The following FHL1 variants were observed in gnomAD, a reference collection of about 807,000 sequenced individuals.
FHL1 encodes four and a half LIM domains protein 1.
A neutral mutation model predicts 20.3 loss-of-function variants in FHL1; 1 was observed. The ratio of observed to expected loss-of-function variants is 0.05; its 90% CI spans 0.02 to 0.23. FHL1 has a LOEUF of 0.23. Ranked by LOEUF, FHL1 falls within the 10% of genes least tolerant of loss-of-function variation. The probability of loss-of-function intolerance (pLI) is 1.00; values close to 1 mark genes in which losing one functional copy is unlikely to be tolerated. For synonymous variants in FHL1, 82 were observed against 88.9 expected, an observed-to-expected ratio of 0.92 and a Z score of 0.44; for missense variants, 177 against 234.0, an observed-to-expected ratio of 0.76 and a Z score of 1.59.
upstream of FHL1, among the ~76,000 whole-genome samples, chrX:136,192,224 A>C (rs2073445208): frequency 9.0e-6 from 1 of 111,454 alleles, no homozygotes; most frequent in Admixed American, 9.5e-5. Context: ...CATCCTAGGC[A>C]TGCTCTGAAA....
chrX:136,176,067 T>C (rs2072994637), intron 2 of FHL1, among the ~76,000 whole-genome samples: 1 of 112,266 alleles, frequency 8.9e-6, no homozygotes, highest in African/African-American at 3.2e-5. Context: ...AGAGCCCCCA[T>C]TTCTCTTTCT....
chrX:136,208,276 CGAGCCTTGGTGTCTTCATCT>C (rs2073903976), intron 4 of FHL1, among the ~76,000 whole-genome samples, 159 bp from the exon 5 acceptor site: 3 of 112,063 alleles, frequency 2.7e-5, no homozygotes, highest in Non-Finnish European at 3.8e-5. Flanking sequence ...TCACCTTCTC[CGAGCCTTGGTGTCTTCATCT>C]GTAAAGTGGG....
At chrX:136,196,799 A>C (rs2073566226), upstream of FHL1, 2 of 1,166,325 alleles carry the variant, frequency 1.7e-6, no homozygotes, top group Non-Finnish European at 2.3e-6. Flanking sequence ...ATTCCGGTAC[A>C]GGGATGACTT....
At chrX:136,149,143 G>A (rs1391491616) in intron 1 of FHL1, among the ~76,000 whole-genome samples, 1 of 111,784 alleles carries the variant, frequency 8.9e-6, no homozygotes, top group African/African-American at 3.3e-5. Flanking sequence ...TAAACGTTAC[G>A]GTGTTCCTTG....
At chrX:136,148,345 G>A (rs1490581439) in intron 1 of FHL1, 1 of 92,144 alleles carries the variant, frequency 1.1e-5, no homozygotes. Flanking sequence ...GAATAAGGAG[G>A]GAGGGGGAGG....
In FHL1 at chrX:136,211,303, A is replaced by G. The variant is rs1569531059; in HGVS notation, c.*1278A>G. ...TTTCTACATTCTGTCATTAGCTATTATCATCTAACGTTTCAGTGTATCCTT... is the reference window on the plus strand; with the variant it reads ...TTTCTACATTCTGTCATTAGCTATTGTCATCTAACGTTTCAGTGTATCCTT... On this transcript the variant is annotated 3_prime_UTR_variant, in exon 6 of 6. Coordinates refer to ENST00000370683, the MANE Select transcript of FHL1 (RefSeq NM_001159699.2). 1 of 309,904 alleles carries G rather than the reference A, an allele frequency of 3.2e-6. No homozygotes were observed. The highest frequency in any genetic ancestry group is 3.7e-5 in the Admixed American group (1 of 26,958). 25.5% of individuals were successfully genotyped at this position (309,904 alleles called of 1,213,427 possible).
In FHL1 at chrX:136,206,374, G is replaced by A. The variant is rs757425427; in HGVS notation, c.23-33G>A. ...TGCTCAGGGTGCTGGGGCATTTCCT[G>A]TGGTCATTTGTCCTGTCTGCTTGCC... On this transcript the variant is annotated intron_variant, in intron 1 of 5. Transcript: ENST00000370683. The A allele has an allele frequency of 9.1e-6, 11 of 1,210,170 alleles. No homozygotes were observed. In the Admixed American group the frequency reaches 1.1e-4, roughly 12 times the overall value.
chrX:136,146,815 C>T (rs1186824589), upstream of FHL1: 2 of 329,370 alleles, frequency 6.1e-6, no homozygotes, highest in South Asian at 5.2e-5. Context: ...GCCATCGGTG[C>T]TTTCTGAGTG....
chrX:136,181,185 C>T (rs2073148435), intron 2 of FHL1, among the ~76,000 whole-genome samples: 1 of 112,839 alleles, frequency 8.9e-6, no homozygotes, highest in Non-Finnish European at 1.9e-5. Flanking sequence ...GACCATTACA[C>T]TAAAGCCATG....
At chrX:136,170,790 C>T (rs1467905788) in intron 2 of FHL1, among the ~76,000 whole-genome samples, 2 of 111,134 alleles carry the variant, frequency 1.8e-5, no homozygotes, top group African/African-American at 3.3e-5. Context: ...AGCACCATAC[C>T]TGTCAGGCTT....
At chrX:136,161,091 G>A (rs2072553353) in intron 1 of FHL1, among the ~76,000 whole-genome samples, 1 of 111,988 alleles carries the variant, frequency 8.9e-6, no homozygotes, top group African/African-American at 3.2e-5. Context: ...CCCAGATATA[G>A]ACAGGCTGGG....
chrX:136,192,502 A>G (rs2073452138), upstream of FHL1, among the ~76,000 whole-genome samples: 1 of 112,574 alleles, frequency 8.9e-6, no homozygotes, highest in South Asian at 3.7e-4. Flanking sequence ...TGTGAAATGA[A>G]CAGGTCTTCA....
chrX:136,173,517 G>A (rs1012870619), intron 2 of FHL1, among the ~76,000 whole-genome samples: 2 of 111,362 alleles, frequency 1.8e-5, no homozygotes, highest in East Asian at 2.8e-4. Context: ...GGCTGGATCT[G>A]GCACACAGAG....
intron 2 of FHL1, among the ~76,000 whole-genome samples, chrX:136,180,297 G>A (rs1436070436): frequency 8.9e-6 from 1 of 112,277 alleles, no homozygotes; most frequent in Non-Finnish European, 1.9e-5. Flanking sequence ...GGGGCTTGTG[G>A]ATATGAATGA....
At chrX:136,205,963 G>C in intron 1 of FHL1, 1 of 212,733 alleles carries the variant, frequency 4.7e-6, no homozygotes, top group Non-Finnish European at 8.8e-6. Flanking sequence ...TAAAACAACT[G>C]CTTCTTGCCT....
chrX:136,188,755 C>T (rs752089034), intron 2 of FHL1, among the ~76,000 whole-genome samples: 6 of 110,697 alleles, frequency 5.4e-5, no homozygotes, highest in South Asian at 3.9e-4. Context: ...TTGACCACAA[C>T]GTGTTTTTGG....
chrX:136,204,457 G>A (rs926314102), intron 1 of FHL1, among the ~76,000 whole-genome samples: 2 of 112,600 alleles, frequency 1.8e-5, no homozygotes, highest in African/African-American at 6.4e-5. Flanking sequence ...AGTTCAAGGA[G>A]ATAGGCCCTG....
chrX:136,199,813 C>T (rs1220721902), intron 1 of FHL1, among the ~76,000 whole-genome samples: 1 of 112,030 alleles, frequency 8.9e-6, no homozygotes, highest in African/African-American at 3.2e-5. Context: ...TATTCACATT[C>T]TCCTTAAATA....
chrX:136,193,882 C>T (rs779860044), upstream of FHL1, among the ~76,000 whole-genome samples: 12 of 110,140 alleles, frequency 1.1e-4, no homozygotes, highest in East Asian at 3.2e-3. Context: ...AAAGATCCTC[C>T]GTGTGTGGCT....
Sources: allele counts gnomAD v4.1 joint callset (sites outside exome capture counted in the v4.1 genomes callset), GRCh38; gene constraint gnomAD v4.1.1; transcripts MANE v1.5; gene names NCBI Gene and HGNC (gene_info 2026-07-23, HGNC 2026-07-21).